ADCK1: variants seen among roughly 807,000 people sequenced by gnomAD.
The protein encoded by ADCK1 is aarF domain containing kinase 1, also known as aarF domain-containing protein kinase 1.
A neutral mutation model predicts 52.3 loss-of-function variants in ADCK1; 41 were observed. The ratio of observed to expected loss-of-function variants is 0.78; its 90% confidence interval spans 0.61 to 1.02. ADCK1 has a LOEUF of 1.02. Ranked by LOEUF, ADCK1 falls within the 50% of genes least tolerant of loss-of-function variation. ADCK1 has a pLI of 0.00. For missense variants in ADCK1, 658 were observed against 679.5 expected, an observed-to-expected ratio of 0.97 and a Z score of 0.35; for synonymous variants, 250 against 274.6, an observed-to-expected ratio of 0.91 and a Z score of 0.89.
intron 6 of ADCK1, among the ~76,000 whole-genome samples, chr14:77,906,041 T>C (rs1231803138): frequency 1.3e-5 from 2 of 152,214 alleles, no homozygotes; most frequent in African/African-American, 4.8e-5. Flanking sequence ...TTCACTTGTA[T>C]GTACAGCCCC....
chr14:77,865,150 A>C (rs1403549310), intron 4 of ADCK1, among the ~76,000 whole-genome samples: 1 of 148,850 alleles, frequency 6.7e-6, no homozygotes, highest in African/African-American at 2.5e-5. Context: ...TTGAATTAAA[A>C]AAACAAACAA....
chr14:77,821,025 A>G (rs1241237465), intron 2 of ADCK1: 1 of 152,072 alleles, frequency 6.6e-6, no homozygotes, highest in African/African-American at 2.4e-5. Flanking sequence ...CTGTATATAT[A>G]TATTTTTAGA....
intron 3 of ADCK1, among the ~76,000 whole-genome samples, chr14:77,849,853 T>C (rs921840722): frequency 6.6e-6 from 1 of 152,198 alleles, no homozygotes; most frequent in African/African-American, 2.4e-5. Flanking sequence ...ATTTTGATCC[T>C]TTTAAATTTA....
intron 5 of ADCK1, among the ~76,000 whole-genome samples, chr14:77,890,346 G>A (rs932917830): frequency 1.3e-5 from 2 of 152,198 alleles, no homozygotes; most frequent in African/African-American, 2.4e-5. Context: ...CCTCTACATG[G>A]CTGCTTGGTC....
In ADCK1 at chr14:77,850,751, C is replaced by T. The variant is rs546910102; in HGVS notation, c.220-8325C>T. 4.6e-5 allele frequency among the ~76,000 whole-genome samples: 7 copies of T among 151,126 alleles called. No individual in the cohort carries two copies. In the East Asian group the frequency reaches 5.8e-4, roughly 13 times the overall value. The stretch of plus-strand genomic sequence containing the variant: ...CTGCAAACTCCACCTCCCGGATTCA[C>T]GCCATTCTCCTGCCTCAGCTTCCCG... On this transcript the variant is annotated intron_variant, in intron 3 of 10. Transcript: ENST00000238561.
At chr14:77,859,735 T>G (rs2082502908) in intron 4 of ADCK1, among the ~76,000 whole-genome samples, 1 of 152,184 alleles carries the variant, frequency 6.6e-6, no homozygotes, top group Non-Finnish European at 1.5e-5. Flanking sequence ...CACCTCACTT[T>G]CCTTATCTAT....
At chr14:77,826,813 G>T (rs982009587) in intron 3 of ADCK1, among the ~76,000 whole-genome samples, 1 of 152,146 alleles carries the variant, frequency 6.6e-6, no homozygotes, top group Non-Finnish European at 1.5e-5. Flanking sequence ...AGTTTGGGAA[G>T]GGCTCACCCC....
intron 5 of ADCK1, among the ~76,000 whole-genome samples, chr14:77,897,672 T>G (rs186131428): frequency 1.3e-5 from 2 of 152,344 alleles, no homozygotes; most frequent in Admixed American, 6.5e-5. Context: ...CAGCTTTGTT[T>G]TCTTATTCCA....
intron 4 of ADCK1, among the ~76,000 whole-genome samples, chr14:77,884,602 G>A (rs933513274): frequency 2.0e-5 from 3 of 152,144 alleles, no homozygotes; most frequent in African/African-American, 7.2e-5. Context: ...ATCATAGGGT[G>A]GGTACTCAGG....
chr14:77,884,814 T>C (rs1285929551), intron 4 of ADCK1, among the ~76,000 whole-genome samples: 1 of 152,254 alleles, frequency 6.6e-6, no homozygotes, highest in African/African-American at 2.4e-5. Flanking sequence ...CCAGTTGAGT[T>C]ACCTGTATAT....
At chr14:77,895,245 T>A (rs1400574388) in intron 5 of ADCK1, among the ~76,000 whole-genome samples, 1 of 152,252 alleles carries the variant, frequency 6.6e-6, no homozygotes, top group East Asian at 1.9e-4. Flanking sequence ...AAGTAGAGAA[T>A]TCTCAGGCAT....
intron 4 of ADCK1, among the ~76,000 whole-genome samples, chr14:77,864,369 G>A (rs550599883): frequency 1.3e-5 from 2 of 152,288 alleles, no homozygotes; most frequent in South Asian, 4.1e-4. Context: ...CCAACTTGTT[G>A]GTGGTAGAGG....
At chr14:77,839,280 T>G (rs151212398) in intron 3 of ADCK1, among the ~76,000 whole-genome samples, 43 of 152,282 alleles carry the variant, frequency 2.8e-4, no homozygotes, top group African/African-American at 9.9e-4. Flanking sequence ...GCCATGTGAT[T>G]ACGAGGACTA....
chr14:77,825,230 G>A (rs1262647283), intron 3 of ADCK1, among the ~76,000 whole-genome samples: 1 of 152,088 alleles, frequency 6.6e-6, no homozygotes, highest in Non-Finnish European at 1.5e-5. Flanking sequence ...TATCTCTAGC[G>A]ATGATGCGTA....
At chr14:77,807,200 C>T (rs1422504925) in intron 1 of ADCK1, among the ~76,000 whole-genome samples, 1 of 151,282 alleles carries the variant, frequency 6.6e-6, no homozygotes, top group African/African-American at 2.4e-5. Flanking sequence ...TCCCAAGTAG[C>T]TGGGACTACA....
rs1179109078 is a variant in ADCK1, at chr14:77,932,795, A to G, written c.1401-425A>G. On this transcript the variant is annotated intron_variant, in intron 10 of 10. Transcript: ENST00000238561. Reference sequence around the variant, plus strand: ...GAAGGGATTGAGCTGGGCTGAATTCATAATGGCCTCAGCCTCCCAGGACCA... The same window carrying G: ...GAAGGGATTGAGCTGGGCTGAATTCGTAATGGCCTCAGCCTCCCAGGACCA... 2.0e-5 allele frequency among the ~76,000 whole-genome samples: 3 copies of G among 152,204 alleles called. No homozygotes were observed. The East Asian group carries it at 5.8e-4, about 29-fold the overall frequency.
rs1394881560 is a variant in ADCK1 at position 77,859,104 on chromosome 14, G to A, written c.248G>A (p.Cys83Tyr). The A allele has an allele frequency of 2.2e-5, 36 of 1,610,058 alleles. No individual in the cohort carries two copies. The highest frequency in any genetic ancestry group is 2.8e-5 in the Non-Finnish European group (33 of 1,178,602). The change falls in exon 4 of 11, where the codon TGT (cysteine) becomes TAT (tyrosine). Residue 83 changes from cysteine (C) to tyrosine (Y), a missense_variant. Cys to Tyr is a radical substitution (Grantham distance 194). Coordinates refer to ENST00000238561, the MANE Select transcript of ADCK1 (RefSeq NM_020421.4). ...KVHLRSARRL[C>Y]ELCCANRGTF... ...CACCTTCGCTCTGCCAGGCGTCTCT[G>A]TGAGCTCTGCTGTGCCAACCGGGGC...
chr14:77,907,657 A>G lies in ADCK1; in HGVS notation c.742-146A>G. ...CTCTTGGCCTGGCTGTCCCATCCCC[A>G]CTGTCACCGCTGAGGTCCCTCCTGG... On this transcript the variant is annotated intron_variant, in intron 6 of 10. Coordinates refer to ENST00000238561, the MANE Select transcript of ADCK1 (RefSeq NM_020421.4). 4 of 581,844 alleles carry G rather than the reference A, an allele frequency of 6.9e-6. No homozygotes were observed. In the South Asian group the frequency reaches 8.5e-5, roughly 12 times the overall value. The allele number at this position is 581,844 out of a possible 1,614,324, so 36.0% of individuals were successfully genotyped here.
At chr14:77,840,804 T>C (rs2082050678) in intron 3 of ADCK1, among the ~76,000 whole-genome samples, 1 of 150,092 alleles carries the variant, frequency 6.7e-6, no homozygotes, top group Admixed American at 6.7e-5. Flanking sequence ...GCTGAGATGG[T>C]GCCATTGCAG....
Sources: gnomAD v4.1 joint callset for allele counts (sites outside exome capture counted in the v4.1 genomes callset) on GRCh38, gnomAD v4.1.1 for gene constraint, MANE v1.5 for transcripts, NCBI Gene and HGNC (gene_info 2026-07-23, HGNC 2026-07-21) for gene names.